GTF2F2: variants seen among roughly 807,000 people sequenced by gnomAD.
GTF2F2 encodes the protein ATP-dependent helicase GTF2F2.
GTF2F2 carries 23 observed loss-of-function variants against 42.2 expected under a neutral mutation model. The observed-to-expected ratio is 0.55, with a 90% CI of 0.39 to 0.77. GTF2F2 has a LOEUF of 0.77. Among genes scored for constraint, GTF2F2 ranks in the 30% least tolerant of loss-of-function variants. GTF2F2 has a pLI of 0.00. For synonymous variants in GTF2F2, 105 were observed against 100.8 expected (o/e 1.04, Z -0.25); for missense variants, 261 against 287.2 (o/e 0.91, Z 0.66).
intron 5 of GTF2F2, among the ~76,000 whole-genome samples, chr13:45,225,134 C>T (rs1874276451): frequency 1.3e-5 from 2 of 152,128 alleles, no homozygotes; most frequent in African/African-American, 4.8e-5. Context: ...TAATAGGCAC[C>T]CTGACAATTC....
intron 5 of GTF2F2, among the ~76,000 whole-genome samples, chr13:45,249,602 T>C (rs1427984658): frequency 2.0e-5 from 3 of 152,188 alleles, no homozygotes; most frequent in African/African-American, 7.2e-5. Context: ...AGCACTTCAC[T>C]AAACAAACTG....
At chr13:45,225,168 T>C (rs1292409056) in intron 5 of GTF2F2, among the ~76,000 whole-genome samples, 2 of 152,168 alleles carry the variant, frequency 1.3e-5, no homozygotes, top group Non-Finnish European at 2.9e-5. Flanking sequence ...CCTTAGAACA[T>C]ATTTTGAGAA....
At chr13:45,134,622 A>G (rs555366413) in intron 1 of GTF2F2, among the ~76,000 whole-genome samples, 17 of 152,290 alleles carry the variant, frequency 1.1e-4, no homozygotes, top group African/African-American at 3.8e-4. Context: ...AAATCCTCTA[A>G]GCTTGTTTGG....
At chr13:45,277,847 C>T (rs191704390) in intron 7 of GTF2F2, among the ~76,000 whole-genome samples, 8 of 152,286 alleles carry the variant, frequency 5.3e-5, no homozygotes, top group Admixed American at 5.2e-4. Context: ...CTGCATTAAT[C>T]AGTGCCATCA....
chr13:45,243,398 A>C (rs2138236259), intron 5 of GTF2F2, among the ~76,000 whole-genome samples: 1 of 152,254 alleles, frequency 6.6e-6, no homozygotes, highest in South Asian at 2.1e-4. Context: ...CAACTCCGAG[A>C]GATCTAGGTT....
chr13:45,228,906 G>A (rs902519913), intron 5 of GTF2F2, among the ~76,000 whole-genome samples: 5 of 152,106 alleles, frequency 3.3e-5, no homozygotes, highest in African/African-American at 1.2e-4. Context: ...CCAGCCTCAG[G>A]TGATCTGCCC....
At chr13:45,239,309 A>G (rs1875160065) in intron 5 of GTF2F2, among the ~76,000 whole-genome samples, 1 of 151,958 alleles carries the variant, frequency 6.6e-6, no homozygotes, top group Non-Finnish European at 1.5e-5. Context: ...TTCTGATCAT[A>G]AGTTAAGATA....
At chr13:45,195,480 T>G (rs1421123086) in intron 4 of GTF2F2, among the ~76,000 whole-genome samples, 1 of 152,230 alleles carries the variant, frequency 6.6e-6, no homozygotes, top group Non-Finnish European at 1.5e-5. Flanking sequence ...GAGAAAGATC[T>G]AGATTCAGAA....
Position 45,196,200 on chromosome 13 carries a change from A to T in GTF2F2, c.305-11224A>T, listed in dbSNP as rs138401416. Among the ~76,000 whole-genome samples, 257 of 152,340 alleles carry T rather than the reference A, an allele frequency of 1.7e-3. 1 individual carries two copies. Among genetic ancestry groups the T allele is most frequent in the Middle Eastern group, 0.014 (4 of 294 alleles). On this transcript the variant is annotated intron_variant, in intron 4 of 7. Transcript: ENST00000340473. The stretch of plus-strand genomic sequence containing the variant: ...TGAAATCGAACTAGAAAACTAAGGC[A>T]TAATGTTTTTAGAGCTGTGTTTTTG...
chr13:45,139,484 A>G (rs1869811092), intron 2 of GTF2F2, among the ~76,000 whole-genome samples: 1 of 152,060 alleles, frequency 6.6e-6, no homozygotes, highest in South Asian at 2.1e-4. Context: ...TCTCTCTGTA[A>G]CACTCTTCCT....
chr13:45,137,552 G>A (rs1453562785), intron 2 of GTF2F2, among the ~76,000 whole-genome samples: 2 of 152,190 alleles, frequency 1.3e-5, no homozygotes, highest in Non-Finnish European at 2.9e-5. Flanking sequence ...TGGCCTGGGC[G>A]GCCTTCCTGG....
chr13:45,161,503 C>T (rs751376897), intron 4 of GTF2F2, among the ~76,000 whole-genome samples: 52 of 152,186 alleles, frequency 3.4e-4, no homozygotes, highest in African/African-American at 1.0e-3. Flanking sequence ...GAACCTCATG[C>T]GTAACACTGA....
chr13:45,206,202 C>T (rs986701997), intron 4 of GTF2F2, among the ~76,000 whole-genome samples: 27 of 152,194 alleles, frequency 1.8e-4, no homozygotes, highest in African/African-American at 6.3e-4. Flanking sequence ...ACCCTGGATA[C>T]ATTGATTATA....
At chr13:45,194,892 GATCCAAATGTTTAATTCTTC>G (rs1431407069) in intron 4 of GTF2F2, among the ~76,000 whole-genome samples, 2 of 152,224 alleles carry the variant, frequency 1.3e-5, no homozygotes, top group Admixed American at 1.3e-4. Context: ...CAGTTAAGCA[GATCCAAATGTTTAATTCTTC>G]ATCCAAATGT....
intron 4 of GTF2F2, among the ~76,000 whole-genome samples, chr13:45,163,258 A>G (rs1348141478): frequency 1.3e-5 from 2 of 152,140 alleles, no homozygotes; most frequent in East Asian, 1.9e-4. Context: ...TTCATTGTAT[A>G]CTTAAGATCT....
chr13:45,170,585 T>G (rs1032081329), intron 4 of GTF2F2, among the ~76,000 whole-genome samples: 1 of 152,216 alleles, frequency 6.6e-6, no homozygotes, highest in African/African-American at 2.4e-5. Context: ...CAGAATATTT[T>G]CCCCTTGAAA....
chr13:45,261,319 G>A (rs529901836), intron 6 of GTF2F2, among the ~76,000 whole-genome samples: 13 of 146,694 alleles, frequency 8.9e-5, no homozygotes, highest in African/African-American at 2.5e-4. Context: ...CCAGCTACTC[G>A]GGAGGCTGAG....
In GTF2F2 at chr13:45,283,989, C is replaced by T. The variant is rs183235570; in HGVS notation, c.*428C>T. 3 of 152,158 alleles carry T rather than the reference C, an allele frequency of 2.0e-5. No homozygotes were observed. The highest frequency in any genetic ancestry group is 4.4e-5 in the Non-Finnish European group (3 of 68,012). 9.4% of individuals were successfully genotyped at this position (152,158 alleles called of 1,614,324 possible). On this transcript the variant is annotated 3_prime_UTR_variant, in exon 8 of 8. Transcript: ENST00000340473. ...CAGAAACTCTTAAAAGGAATAAAAA[C>T]CCAAAGTTCCTTATTTTGAAATTGT...
intron 6 of GTF2F2, among the ~76,000 whole-genome samples, chr13:45,262,628 A>G (rs1876390347): frequency 2.0e-5 from 3 of 152,028 alleles, no homozygotes; most frequent in Non-Finnish European, 2.9e-5. Context: ...CATGTTCCCC[A>G]GGCTGGTCTC....
Sources: gnomAD v4.1 joint callset for allele counts (sites outside exome capture counted in the v4.1 genomes callset) on GRCh38, gnomAD v4.1.1 for gene constraint, MANE v1.5 for transcripts, NCBI Gene and HGNC (gene_info 2026-07-23, HGNC 2026-07-21) for gene names.